Variants in ARHGEF3 observed in about 807,000 individuals in gnomAD.
ARHGEF3 encodes 59.8 kDA protein.
A neutral mutation model predicts 63.2 loss-of-function variants in ARHGEF3; 28 were observed. The observed-to-expected ratio is 0.44, with a 90% CI of 0.33 to 0.61. ARHGEF3 has a LOEUF of 0.61. Ranked by LOEUF, ARHGEF3 falls within the 20% of genes least tolerant of loss-of-function variation. The pLI is 0.03. For missense variants in ARHGEF3, 533 were observed against 659.3 expected, an observed-to-expected ratio of 0.81 and a Z score of 2.10; for synonymous variants, 266 against 254.2, an observed-to-expected ratio of 1.05 and a Z score of -0.44.
chr3:56,879,259 C>T (rs2040691308), intron 4 of ARHGEF3, among the ~76,000 whole-genome samples: 2 of 152,206 alleles, frequency 1.3e-5, no homozygotes, highest in South Asian at 4.1e-4. Context: ...ACGAAACCGG[C>T]CCCTGGTGTC....
At chr3:56,865,704 G>T (rs1314597503) in intron 4 of ARHGEF3, among the ~76,000 whole-genome samples, 2 of 152,148 alleles carry the variant, frequency 1.3e-5, no homozygotes, top group Non-Finnish European at 2.9e-5. Flanking sequence ...TTCATATGTT[G>T]AAATTCTACC....
At chr3:57,037,998 A>G (rs1205868217) in intron 1 of ARHGEF3, among the ~76,000 whole-genome samples, 1 of 152,286 alleles carries the variant, frequency 6.6e-6, no homozygotes, top group African/African-American at 2.4e-5. Flanking sequence ...CCTGACACGG[A>G]CATTGACATG....
chr3:56,838,763 A>G (rs191347323), intron 4 of ARHGEF3, among the ~76,000 whole-genome samples: 1 of 150,408 alleles, frequency 6.6e-6, no homozygotes, highest in Non-Finnish European at 1.5e-5. Flanking sequence ...TAAAATACCA[A>G]GAGATCAACA....
At chr3:56,882,611 T>C (rs539576508) in intron 3 of ARHGEF3, among the ~76,000 whole-genome samples, 121 of 147,524 alleles carry the variant, frequency 8.2e-4, no homozygotes, top group African/African-American at 2.8e-3. Flanking sequence ...CTCTGCCTCC[T>C]CGGTTCAAGC....
At chr3:56,816,987 G>C (rs1190879304) in intron 4 of ARHGEF3, among the ~76,000 whole-genome samples, 5 of 152,206 alleles carry the variant, frequency 3.3e-5, no homozygotes, top group African/African-American at 1.2e-4. Context: ...TTCCCCTGCT[G>C]ATCAATCAGG....
chr3:56,860,041 GAGATAGAT>G (rs71072201), intron 4 of ARHGEF3, among the ~76,000 whole-genome samples: 12 of 150,264 alleles, frequency 8.0e-5, no homozygotes, highest in Non-Finnish European at 1.2e-4. Context: ...GGTCTCAAGA[GAGATAGAT>G]AGATAGATAG....
chr3:56,846,971 A>G (rs1408823325), intron 4 of ARHGEF3, among the ~76,000 whole-genome samples: 1 of 152,214 alleles, frequency 6.6e-6, no homozygotes, highest in African/African-American at 2.4e-5. Flanking sequence ...GACACAAACA[A>G]TCTTACTTGA....
chr3:56,810,715 G>A (rs1003044218), intron 4 of ARHGEF3, among the ~76,000 whole-genome samples: 9 of 152,152 alleles, frequency 5.9e-5, no homozygotes, highest in African/African-American at 2.2e-4. Context: ...AATGACTTCT[G>A]AGGAGTCAGG....
intron 4 of ARHGEF3, among the ~76,000 whole-genome samples, chr3:56,751,751 C>T (rs1418853134): frequency 6.6e-6 from 1 of 152,138 alleles, no homozygotes; most frequent in East Asian, 1.9e-4. Context: ...TTATTCAAAA[C>T]TAGCTACTAG....
In ARHGEF3 at chr3:56,728,995, G is replaced by T. The variant is rs2107672778; in HGVS notation, c.*275C>A. ...TCTTTTTCTATTTTTTTAAAATCCA[G>T]CAGGACAACTGAAAGTAACTTGTTT... is the stretch of plus-strand genomic sequence containing the variant. On this transcript the variant is annotated 3_prime_UTR_variant, in exon 10 of 10. Coordinates refer to ENST00000296315, the MANE Select transcript of ARHGEF3 (RefSeq NM_019555.3). 8.7e-6 allele frequency: 3 copies of T among 342,932 alleles called. No homozygotes were observed. The East Asian group carries it at 1.6e-4, about 18-fold the overall frequency. 21.2% of individuals were successfully genotyped at this position (342,932 alleles called of 1,614,324 possible).
chr3:56,975,834 A>T (rs1315339338), intron 2 of ARHGEF3: 3 of 406,614 alleles, frequency 7.4e-6, no homozygotes, highest in African/African-American at 2.1e-5. Flanking sequence ...AAAAAAAAAT[A>T]ATAAAAACAA....
At chr3:56,742,826 A>T (rs1318744946) in intron 7 of ARHGEF3, among the ~76,000 whole-genome samples, 1 of 152,256 alleles carries the variant, frequency 6.6e-6, no homozygotes, top group Non-Finnish European at 1.5e-5. Flanking sequence ...TACTTTATGC[A>T]CTAGGAAAAC....
intron 2 of ARHGEF3, among the ~76,000 whole-genome samples, chr3:56,992,241 T>C (rs988671354): frequency 2.6e-5 from 4 of 151,958 alleles, no homozygotes; most frequent in Non-Finnish European, 5.9e-5. Flanking sequence ...GCTAAGTATA[T>C]ATTTGTACAA....
At chr3:56,829,625 A>ATCTGT (rs1361489375) in intron 4 of ARHGEF3, among the ~76,000 whole-genome samples, 1 of 152,218 alleles carries the variant, frequency 6.6e-6, no homozygotes, top group African/African-American at 2.4e-5. Context: ...ATCTGAAGCA[A>ATCTGT]GCACAGAACC....
chr3:57,051,372 A>G (rs1704661763), intron 1 of ARHGEF3, among the ~76,000 whole-genome samples: 1 of 152,082 alleles, frequency 6.6e-6, no homozygotes, highest in Non-Finnish European at 1.5e-5. Context: ...CTGTAATCCC[A>G]GCTACTTGGG....
intron 2 of ARHGEF3, among the ~76,000 whole-genome samples, chr3:56,999,048 TTTG>T (rs3037589): frequency 0.041 from 6,269 of 152,140 alleles, 437 homozygotes; most frequent in African/African-American, 0.14. Flanking sequence ...TCAAGAGGTT[TTTG>T]TTGTTGTTGT....
chr3:57,067,466 T>TAATAATAAA (rs1416923432), intron 1 of ARHGEF3, among the ~76,000 whole-genome samples: 3 of 146,960 alleles, frequency 2.0e-5, no homozygotes, highest in Admixed American at 1.4e-4. Flanking sequence ...ATAATAATAA[T>TAATAATAAA]AATAATAATA....
At chr3:56,919,549 C>T (rs1488352730) in intron 3 of ARHGEF3, among the ~76,000 whole-genome samples, 1 of 152,196 alleles carries the variant, frequency 6.6e-6, no homozygotes, top group African/African-American at 2.4e-5. Context: ...GCCCTGTGGA[C>T]ATTTAGCAAA....
At position 56,853,813 on chromosome 3, in the gene ARHGEF3, G is replaced by T. The variant is rs115559997; in HGVS notation, c.192+28479C>A. Among the ~76,000 whole-genome samples, 742 of 152,218 alleles carry T rather than the reference G, an allele frequency of 4.9e-3. 8 individuals carry two copies. The highest frequency in any genetic ancestry group is 0.016 in the African/African-American group (660 of 41,500). On this transcript the variant is annotated intron_variant, in intron 4 of 12. Coordinates refer to the ARHGEF3 transcript ENST00000338458. ...TGCCAGGCTTTGCAGGCACTTACACGCCAAGTAAGAACATGGGCTCCTATG... is the reference window on the plus strand; with the variant it reads ...TGCCAGGCTTTGCAGGCACTTACACTCCAAGTAAGAACATGGGCTCCTATG...
Sources: allele counts gnomAD v4.1 joint callset (sites outside exome capture counted in the v4.1 genomes callset), GRCh38; gene constraint gnomAD v4.1.1; transcripts MANE v1.5; gene names NCBI Gene and HGNC (gene_info 2026-07-23, HGNC 2026-07-21).